The following C5 variants were observed in gnomAD, a reference collection of about 807,000 sequenced individuals.
C5 encodes C3 and PZP-like alpha-2-macroglobulin domain-containing protein 4.
Under a neutral mutation model 218.8 loss-of-function variants are expected in C5, and 140 were observed. The ratio of observed to expected loss-of-function variants is 0.64; its 90% CI spans 0.56 to 0.74. The LOEUF is 0.74. Ranked by LOEUF, C5 falls within the 30% of genes least tolerant of loss-of-function variation. The probability of loss-of-function intolerance (pLI) is 0.00; values close to 1 mark genes in which losing one functional copy is unlikely to be tolerated. For synonymous variants in C5, 614 were observed against 682.3 expected (o/e 0.90, Z 1.56); for missense variants, 1,700 against 1,969.6 (o/e 0.86, Z 2.59).
intron 20 of C5, chr9:120,999,929 T>G (rs182816673): frequency 3.3e-5 from 15 of 449,320 alleles, no homozygotes; most frequent in Admixed American, 3.3e-4. Flanking sequence ...CATGGTGGTG[T>G]GTGCCTGTAA....
intron 5 of C5, among the ~76,000 whole-genome samples, chr9:121,033,010 ATGGGTGTGTG>A (rs1443493396): frequency 4.6e-4 from 16 of 35,134 alleles, no homozygotes; most frequent in African/African-American, 8.1e-4. Context: ...CAAAAAAACT[ATGGGTGTGTG>A]TGTGTGTGTG....
rs71370613 is a variant in C5 at position 121,002,308 on chromosome 9, ATGTGTGTG to A, written c.2562+3603_2562+3610del. On this transcript the variant is annotated intron_variant, in intron 20 of 40. Coordinates refer to ENST00000223642, the MANE Select transcript of C5 (RefSeq NM_001735.3). ...TATATATGTATATATGTATATATAT[ATGTGTGTG>A]TATATATATATATATATATATATAT... Among the ~76,000 whole-genome samples, 247 of 66,470 alleles carry A rather than the reference ATGTGTGTG, an allele frequency of 3.7e-3. 1 individual carries two copies. The highest frequency in any genetic ancestry group is 0.018 in the East Asian group (25 of 1,422). The allele number at this position is 66,470 out of a possible 152,430, so 43.6% of individuals were successfully genotyped here.
chr9:121,070,376 G>C, the C5 span, among the ~76,000 whole-genome samples: 1 of 91,468 alleles, frequency 1.1e-5, no homozygotes, highest in Admixed American at 1.5e-4. Context: ...AAGGAAGGAA[G>C]GAAGGGTGAT....
intron 36 of C5, 23 bp downstream of exon 36, chr9:120,962,648 A>C: frequency 6.7e-7 from 1 of 1,486,788 alleles, no homozygotes; most frequent in Non-Finnish European, 9.4e-7. Flanking sequence ...CTTCTGAAGA[A>C]ATGTTAGCAT....
rs775727300 is a variant in C5, at chr9:121,020,014, T to A, written c.1468A>T (p.Ser490Cys). Reference sequence around the variant, plus strand: ...TGAGTTATTTTGTCAATATATGGGCTTTTGGGGGTAACAATAATATTCAGA... The same window carrying A: ...TGAGTTATTTTGTCAATATATGGGCATTTGGGGGTAACAATAATATTCAGA... ...EHLNIIVTPKSPYIDKITHYN... is the reference protein window; with the variant it reads ...EHLNIIVTPKCPYIDKITHYN... The change falls in exon 12 of 41, where the codon AGC becomes TGC. Residue 490 changes from serine to cysteine, a missense_variant. Transcript: ENST00000223642. The A allele has an allele frequency of 8.1e-6, 13 of 1,610,778 alleles. No individual in the cohort carries two copies. The East Asian group carries it at 2.7e-4, about 33-fold the overall frequency.
At chr9:121,016,415 G>A (rs201274528) in intron 14 of C5, 32 bp from the exon 15 acceptor site, 65 of 1,612,982 alleles carry the variant, frequency 4.0e-5, no homozygotes, top group Non-Finnish European at 1.3e-5. Context: ...TGAGCACATT[G>A]AGATGTATAA....
chr9:120,977,188 C>T (rs2046959951), intron 28 of C5, among the ~76,000 whole-genome samples: 1 of 152,072 alleles, frequency 6.6e-6, no homozygotes, highest in South Asian at 2.1e-4. Flanking sequence ...TAATTTCACC[C>T]CTGACCTCAT....
In C5 at chr9:120,991,197, C is replaced by T. The variant is rs1254422789; in HGVS notation, c.2935G>A (p.Val979Ile). Residue 979 changes from valine (V) to isoleucine (I), a missense_variant, in exon 23 of 41, where the codon GTA (valine) becomes ATA (isoleucine). By Grantham distance (29) the Val-to-Ile change is conservative (BLOSUM62 3). Coordinates refer to ENST00000223642, the MANE Select transcript of C5 (RefSeq NM_001735.3). The stretch of plus-strand genomic sequence containing the variant: ...ATGGCATTTGTTAATTTACCTTTTA[C>T]ACTCAAAATCCTTTTGATTTCTGTT... ...PKTEIKRILS[V>I]KGLLVGEILS... 2 of 1,580,790 alleles carry T rather than the reference C, an allele frequency of 1.3e-6. No homozygotes were observed. The highest frequency in any genetic ancestry group is 1.7e-5 in the Admixed American group (1 of 59,974).
intron 25 of C5, among the ~76,000 whole-genome samples, chr9:120,988,653 C>A (rs1247338527): frequency 2.0e-5 from 3 of 152,166 alleles, no homozygotes; most frequent in Non-Finnish European, 2.9e-5. Flanking sequence ...GGTTTTTACT[C>A]TGGGTAAGAT....
chr9:121,018,252 CAAAAAAA>C (rs1189613789), intron 12 of C5, among the ~76,000 whole-genome samples: 19 of 42,204 alleles, frequency 4.5e-4, no homozygotes, highest in Admixed American at 3.0e-3. Context: ...GACTCTGTCT[CAAAAAAA>C]AAAAAAAAAA....
At chr9:121,058,354 A>G in the C5 span, among the ~76,000 whole-genome samples, 1 of 152,198 alleles carries the variant, frequency 6.6e-6, no homozygotes, top group Non-Finnish European at 1.5e-5. Flanking sequence ...ATCCATAGAA[A>G]AAAGCCAGGA....
chr9:121,032,311 C>A, intron 5 of C5, 116 bp from the exon 6 acceptor site: 1 of 635,766 alleles, frequency 1.6e-6, no homozygotes, highest in Non-Finnish European at 2.8e-6. Flanking sequence ...ATATATAAAA[C>A]CTAAGTAATA....
At chr9:120,970,089 T>G (rs1488184144) in intron 32 of C5, 81 bp downstream of exon 32, 5 of 971,466 alleles carry the variant, frequency 5.1e-6, no homozygotes, top group Non-Finnish European at 8.1e-6. Context: ...TAAGCACATT[T>G]TTACTAATCA....
chr9:121,006,014 C>T lies in C5; in HGVS notation c.2467G>A (p.Val823Ile), dbSNP rs763895993. ...DTVKAKVFKD[V>I]FLEMNIPYSV... ...TATGGTATATTCATTTCCAGGAAGA[C>T]ATCTTTGAACACCTTTGCCTTGACA... Residue 823 changes from valine (V) to isoleucine (I), a missense_variant, in exon 20 of 41, where the codon GTC (valine) becomes ATC (isoleucine). By Grantham distance (29) the Val-to-Ile change is conservative (BLOSUM62 3). Transcript: ENST00000223642. 10 of 1,613,654 alleles carry T rather than the reference C, an allele frequency of 6.2e-6. No homozygotes were observed. The African/African-American group carries it at 6.7e-5, about 11-fold the overall frequency.
chr9:121,019,350 G>A (rs374999701), intron 12 of C5, among the ~76,000 whole-genome samples: 9 of 152,232 alleles, frequency 5.9e-5, no homozygotes, highest in Admixed American at 6.5e-5. Context: ...CCTGGCTGTC[G>A]AAATAATTCA....
intron 26 of C5, 112 bp downstream of exon 26, chr9:120,982,543 T>C: frequency 2.3e-6 from 2 of 888,066 alleles, no homozygotes; most frequent in Middle Eastern, 2.7e-4. Flanking sequence ...ACAAAGGAAT[T>C]TCTTGCAGAA....
At chr9:120,980,888 A>T (rs922994158) in intron 27 of C5, among the ~76,000 whole-genome samples, 4 of 151,990 alleles carry the variant, frequency 2.6e-5, no homozygotes, top group South Asian at 4.1e-4. Flanking sequence ...GAGCCACTGC[A>T]CCCGGCCCAT....
At chr9:120,964,901 A>G (rs2046855161) in intron 33 of C5, among the ~76,000 whole-genome samples, 2 of 152,204 alleles carry the variant, frequency 1.3e-5, no homozygotes, top group Non-Finnish European at 2.9e-5. Context: ...GCAGAGGCTT[A>G]GAGCTACCAT....
intron 7 of C5, among the ~76,000 whole-genome samples, chr9:121,030,028 G>A (rs1006670724): frequency 3.3e-5 from 5 of 152,144 alleles, no homozygotes; most frequent in African/African-American, 1.2e-4. Flanking sequence ...AAGGCACTGG[G>A]TTTTGAAGTA....
Sources: gnomAD v4.1 joint callset for allele counts (sites outside exome capture counted in the v4.1 genomes callset) on GRCh38, gnomAD v4.1.1 for gene constraint, MANE v1.5 for transcripts, NCBI Gene and HGNC (gene_info 2026-07-23, HGNC 2026-07-21) for gene names.